The following GPR132 variants were observed in gnomAD, a reference collection of about 807,000 sequenced individuals.
The protein encoded by GPR132 is probable G protein-coupled receptor 132.
A neutral mutation model predicts 1.9 loss-of-function variants in GPR132; 4 were observed. The observed-to-expected ratio is 2.13, with a 90% CI of 1.05 to 4.87. The LOEUF (loss-of-function observed/expected upper bound fraction) is 4.87, where lower values mean the gene tolerates loss of function less well. Among genes scored for constraint, GPR132 ranks in the 30% most tolerant of loss-of-function variants. The pLI, the probability that GPR132 is intolerant of heterozygous loss-of-function variation, is 0.01. For missense variants in GPR132, 404 were observed against 512.5 expected, an observed-to-expected ratio of 0.79 and a Z score of 2.04; for synonymous variants, 233 against 234.2, an observed-to-expected ratio of 0.99 and a Z score of 0.05.
chr14:105,053,707 C>A (rs1156693341), intron 3 of GPR132, among the ~76,000 whole-genome samples: 1 of 149,336 alleles, frequency 6.7e-6, no homozygotes, highest in East Asian at 2.0e-4. Context: ...AGACTAATGA[C>A]CCCACCCAAA....
Position 105,060,327 on chromosome 14 carries a change from G to C in GPR132, c.-860-3047C>G, listed in dbSNP as rs1043847598. ...GTGAGCCGGAACCAGGAGGGCCAAG[G>C]AAGGCAGACCCCCAGCCAGGCAGGG... is the stretch of plus-strand genomic sequence containing the variant. On this transcript the variant is annotated intron_variant, in intron 1 of 3. Transcript: ENST00000329797. The surrounding 1 kb of genome is among the most constrained non-coding windows in gnomAD (Gnocchi z 6.3). 1.3e-5 allele frequency among the ~76,000 whole-genome samples: 2 copies of C among 152,224 alleles called. No individual in the cohort carries two copies. The highest frequency in any genetic ancestry group is 2.9e-5 in the Non-Finnish European group (2 of 68,036).
intron 3 of GPR132, among the ~76,000 whole-genome samples, chr14:105,052,373 G>A (rs1886674481): frequency 6.6e-6 from 1 of 152,056 alleles, no homozygotes; most frequent in Non-Finnish European, 1.5e-5. Context: ...TGTGGCCCAG[G>A]TTGGAGTGCA....
intron 1 of GPR132, among the ~76,000 whole-genome samples, chr14:105,064,476 G>T (rs1887031016): frequency 6.6e-6 from 1 of 152,134 alleles, no homozygotes; most frequent in Non-Finnish European, 1.5e-5. Context: ...TGGGATTACA[G>T]ACGTGTGCCA....
At chr14:105,063,307 C>T (rs1886998647) in intron 1 of GPR132, among the ~76,000 whole-genome samples, 1 of 151,988 alleles carries the variant, frequency 6.6e-6, no homozygotes, top group Admixed American at 6.6e-5. Flanking sequence ...CCTCACCCAG[C>T]CACTGTCCCT....
In GPR132 at chr14:105,054,877, T is replaced by C. The variant is rs929646512; in HGVS notation, c.34+510A>G. Among the ~76,000 whole-genome samples, 7 of 151,110 alleles carry C rather than the reference T, an allele frequency of 4.6e-5. 1 individual carries two copies. Among genetic ancestry groups the C allele is most frequent in the Admixed American group, 1.3e-4 (2 of 15,204 alleles). On this transcript the variant is annotated intron_variant, in intron 3 of 3. Coordinates refer to ENST00000329797, the MANE Select transcript of GPR132 (RefSeq NM_013345.4). ...TAACCTGGTGAAAACTCGTCTCTAC[T>C]AAAAATACAAAAATTAGACAGGCGT...
chr14:105,054,437 T>G (rs1886733812), intron 3 of GPR132: 2 of 982,396 alleles, frequency 2.0e-6, no homozygotes, highest in Admixed American at 6.2e-5. Flanking sequence ...CTTTTTTTTT[T>G]TTTTGAGACG....
At chr14:105,064,457 C>T (rs758447848) in intron 1 of GPR132, among the ~76,000 whole-genome samples, 53 of 152,146 alleles carry the variant, frequency 3.5e-4, no homozygotes, top group Non-Finnish European at 6.5e-4. Context: ...CCTCGGCCTC[C>T]CAAGTAGCTG....
At chr14:105,052,849 C>T (rs1037106432) in intron 3 of GPR132, among the ~76,000 whole-genome samples, 54 of 151,284 alleles carry the variant, frequency 3.6e-4, no homozygotes, top group Non-Finnish European at 7.1e-4. Flanking sequence ...ATCCCAGCTA[C>T]TCTGGAGGCT....
chr14:105,057,308 T>TAGGC, intron 1 of GPR132, 28 bp from the exon 2 acceptor site: 2 of 688,234 alleles, frequency 2.9e-6, no homozygotes, highest in African/African-American at 3.6e-5. Flanking sequence ...TGAAATTGTT[T>TAGGC]TAGGGAAATC....
chr14:105,062,180 G>A (rs1000420872), intron 1 of GPR132, among the ~76,000 whole-genome samples: 8 of 152,312 alleles, frequency 5.3e-5, no homozygotes, highest in South Asian at 2.1e-4. Context: ...TGACACCCCC[G>A]TCCACCCATC....
Position 105,049,623 on chromosome 14 carries a change from T to A in GPR132, c.*1371A>T, listed in dbSNP as rs1422963702. 1 of 151,974 alleles carries A rather than the reference T, an allele frequency of 6.6e-6. No individual in the cohort carries two copies. The highest frequency in any genetic ancestry group is 2.4e-5 in the African/African-American group (1 of 41,322). 9.4% of individuals were successfully genotyped at this position (151,974 alleles called of 1,614,324 possible). A position where few individuals can be genotyped will look rare whatever the true frequency, so the allele number is the denominator to read the frequency against. ...TTTCTGATGACTCTCAAGGGGAGGA[T>A]GGCTGTTTTGGCTGGGTGTGGTGGT... On this transcript the variant is annotated 3_prime_UTR_variant, in exon 4 of 4. Transcript: ENST00000329797.
chr14:105,056,370 G>A lies in GPR132; in HGVS notation c.-746-204C>T, dbSNP rs963431507. Among the ~76,000 whole-genome samples, 5 of 152,146 alleles carry A rather than the reference G, an allele frequency of 3.3e-5. No individual in the cohort carries two copies. The highest frequency in any genetic ancestry group is 3.9e-4 in the East Asian group (2 of 5,186). On this transcript the variant is annotated intron_variant, in intron 2 of 3. Transcript: ENST00000329797. This position sits in a 1 kb window ranked among gnomAD's most constrained non-coding sequence, Gnocchi z 6.0. ...AACGAGTGCCCCAGCCCCGCTGTGCGAGTCCTGAGCTCAGAGGAAGTTTCG... is the reference window on the plus strand; with the variant it reads ...AACGAGTGCCCCAGCCCCGCTGTGCAAGTCCTGAGCTCAGAGGAAGTTTCG...
intron 1 of GPR132, among the ~76,000 whole-genome samples, chr14:105,062,665 C>A (rs71423817): frequency 6.6e-6 from 1 of 151,258 alleles, no homozygotes; most frequent in Non-Finnish European, 1.5e-5. Context: ...CTCAGCCTCC[C>A]GAGTGGTTGG....
chr14:105,060,183 C>T lies in GPR132; in HGVS notation c.-860-2903G>A, dbSNP rs976864348. Among the ~76,000 whole-genome samples the T allele has an allele frequency of 2.7e-4, 41 of 152,248 alleles. No homozygotes were observed. Among genetic ancestry groups the T allele is most frequent in the African/African-American group, 9.6e-4 (40 of 41,468 alleles). ...CTGGGCGCTGCCCTCCCAGCTGCTG[C>T]TCTGCCAAGATCCGTGTGGCCCTGT... On this transcript the variant is annotated intron_variant, in intron 1 of 3. Transcript: ENST00000329797. This position sits in a 1 kb window ranked among gnomAD's most constrained non-coding sequence, Gnocchi z 6.3.
At chr14:105,064,335 A>G (rs1208122327) in intron 1 of GPR132, among the ~76,000 whole-genome samples, 2 of 151,594 alleles carry the variant, frequency 1.3e-5, no homozygotes, top group Non-Finnish European at 1.5e-5. Flanking sequence ...TCCAAAGCCC[A>G]TTGTCAACTT....
chr14:105,054,555 C>G (rs943664592), intron 3 of GPR132: 1 of 293,024 alleles, frequency 3.4e-6, no homozygotes, highest in East Asian at 1.8e-4. Flanking sequence ...CTCAGCCTCC[C>G]GAGTAGCTGG....
rs1346520568 is a variant in GPR132 at position 105,056,216 on chromosome 14, G to T, written c.-746-50C>A. On this transcript the variant is annotated intron_variant, in intron 2 of 3. Coordinates refer to ENST00000329797, the MANE Select transcript of GPR132 (RefSeq NM_013345.4). The surrounding 1 kb of genome is among the most constrained non-coding windows in gnomAD (Gnocchi z 6.0). Reference sequence around the variant, plus strand: ...TGACTGGGCTGCCTCACACTCAGTTGTCACCACTTCGCCCAAGACACAGGC... The same window carrying T: ...TGACTGGGCTGCCTCACACTCAGTTTTCACCACTTCGCCCAAGACACAGGC... The T allele has an allele frequency of 2.1e-6, 2 of 971,586 alleles. No homozygotes were observed. Among genetic ancestry groups the T allele is most frequent in the African/African-American group, 1.8e-5 (1 of 56,956 alleles). 60.2% of individuals were successfully genotyped at this position (971,586 alleles called of 1,614,324 possible). A position where few individuals can be genotyped will look rare whatever the true frequency, so the allele number is the denominator to read the frequency against.
intron 1 of GPR132, among the ~76,000 whole-genome samples, chr14:105,062,546 T>C (rs1307379249): frequency 1.4e-5 from 2 of 146,932 alleles, no homozygotes; most frequent in Non-Finnish European, 3.0e-5. Flanking sequence ...TTTTCTTTTT[T>C]TTTTTTTTTT....
In GPR132 at chr14:105,051,087, G is replaced by A. The variant is rs144551657; in HGVS notation, c.1050C>T (p.Pro350=). ...HSRDTEELQS[P]VALADHYTFS... ...AGGTGTAGTGGTCTGCAAGGGCCAC[G>A]GGCGACTGCAGCTCCTCGGTGTCCC... The change falls in exon 4 of 4, where the codon CCC becomes CCT. Residue 350 remains proline, a synonymous_variant. Transcript: ENST00000329797. This position sits in a 1 kb window ranked among gnomAD's most constrained non-coding sequence, Gnocchi z 8.0. The A allele has an allele frequency of 6.6e-5, 107 of 1,614,110 alleles. No homozygotes were observed. The Admixed American group carries it at 7.2e-4, about 11-fold the overall frequency.
Sources: gnomAD v4.1 joint callset for allele counts (sites outside exome capture counted in the v4.1 genomes callset) on GRCh38, gnomAD v4.1.1 for gene constraint, Gnocchi (gnomAD v3.1) non-coding constraint, MANE v1.5 for transcripts, NCBI Gene and HGNC (gene_info 2026-07-23, HGNC 2026-07-21) for gene names.